Variants in ME2 observed in about 807,000 individuals in gnomAD.
The protein encoded by ME2 is NAD-dependent malic enzyme, mitochondrial.
A neutral mutation model predicts 73.7 loss-of-function variants in ME2; 60 were observed. The ratio of observed to expected loss-of-function variants is 0.81; its 90% CI spans 0.66 to 1.01. The LOEUF is 1.01. ME2 is among the 50% of genes least tolerant of loss of function. The pLI is 0.00. For synonymous variants in ME2, 199 were observed against 236.9 expected, an observed-to-expected ratio of 0.84 and a Z score of 1.47; for missense variants, 594 against 705.5, an observed-to-expected ratio of 0.84 and a Z score of 1.79.
At chr18:50,905,884 C>T (rs770186471) in intron 2 of ME2, among the ~76,000 whole-genome samples, 1 of 152,050 alleles carries the variant, frequency 6.6e-6, no homozygotes, top group East Asian at 1.9e-4. Context: ...GAGGCATGTC[C>T]GACCCCCCAT....
chr18:50,911,364 C>G (rs1379269292), intron 3 of ME2, among the ~76,000 whole-genome samples: 2 of 152,122 alleles, frequency 1.3e-5, no homozygotes, highest in African/African-American at 4.8e-5. Context: ...CATTTATTCA[C>G]CAAATATTTG....
chr18:50,948,129 T>G lies in ME2; in HGVS notation c.*945T>G, dbSNP rs1008240792. 2.6e-5 allele frequency: 4 copies of G among 152,184 alleles called. No homozygotes were observed. The highest frequency in any genetic ancestry group is 5.9e-5 in the Non-Finnish European group (4 of 68,034). The allele number at this position is 152,184 out of a possible 1,614,324, so 9.4% of individuals were successfully genotyped here. A position where few individuals can be genotyped will look rare whatever the true frequency, so the allele number is the denominator to read the frequency against. On this transcript the variant is annotated 3_prime_UTR_variant, in exon 16 of 16. Coordinates refer to ENST00000321341, the MANE Select transcript of ME2 (RefSeq NM_002396.5). ...GATGCTCTTTATTGCTTGAGATAAT[T>G]TTGGAATGTTACTATGATACTGTTT...
chr18:50,942,164 TG>T (rs1917980188), intron 15 of ME2, among the ~76,000 whole-genome samples: 1 of 152,152 alleles, frequency 6.6e-6, no homozygotes, highest in African/African-American at 2.4e-5. Flanking sequence ...TTAATCTCTC[TG>T]GGATTTATTT....
At chr18:50,894,166 A>T (rs1251492078) in intron 1 of ME2, among the ~76,000 whole-genome samples, 1 of 152,246 alleles carries the variant, frequency 6.6e-6, no homozygotes, top group Non-Finnish European at 1.5e-5. Context: ...TCAAAGGTTG[A>T]TGGATGGAAG....
Position 50,925,992 on chromosome 18 carries a change from T to C in ME2, c.1314+94T>C, listed in dbSNP as rs1599114675. The C allele has an allele frequency of 5.2e-5, 46 of 891,068 alleles. No homozygotes were observed. The South Asian group carries it at 6.0e-4, about 12-fold the overall frequency. 55.2% of individuals were successfully genotyped at this position (891,068 alleles called of 1,614,324 possible). On this transcript the variant is annotated intron_variant, in intron 12 of 15. Transcript: ENST00000321341. Reference sequence around the variant, plus strand: ...TACACCATTGTTCTAATGGTTTCCCTAGAGATTACAGCATGCATCTATGGG... The same window carrying C: ...TACACCATTGTTCTAATGGTTTCCCCAGAGATTACAGCATGCATCTATGGG...
chr18:50,881,880 G>A (rs533995543), intron 1 of ME2, among the ~76,000 whole-genome samples: 1 of 152,194 alleles, frequency 6.6e-6, no homozygotes, highest in South Asian at 2.1e-4. Flanking sequence ...TCTTAAAATA[G>A]CCTATTAAAT....
intron 1 of ME2, among the ~76,000 whole-genome samples, chr18:50,892,408 T>G (rs959877954): frequency 6.6e-6 from 1 of 152,218 alleles, no homozygotes. Context: ...GTAAATATTC[T>G]TGGAATTTTT....
At chr18:50,907,547 A>T (rs1332910041) in intron 2 of ME2, among the ~76,000 whole-genome samples, 1 of 152,242 alleles carries the variant, frequency 6.6e-6, no homozygotes, top group African/African-American at 2.4e-5. Context: ...AGAAATTGAA[A>T]AAGATTTTCT....
Position 50,925,808 on chromosome 18 carries a change from C to G in ME2, c.1224C>G (p.Ala408=). 3.7e-6 allele frequency: 6 copies of G among 1,613,496 alleles called. No individual in the cohort carries two copies. The highest frequency in any genetic ancestry group is 5.1e-6 in the Non-Finnish European group (6 of 1,179,496). The change falls in exon 12 of 16, where the codon GCC becomes GCG. Residue 408 remains alanine, a synonymous_variant. Transcript: ENST00000321341. ...LFTPDVIRAM[A]SINERPVIFA... ...CTCCTGATGTAATCAGAGCCATGGC[C>G]TCTATCAATGAAAGGCCTGTAATAT...
At chr18:50,915,181 G>T (rs997684355) in intron 4 of ME2, among the ~76,000 whole-genome samples, 2 of 151,770 alleles carry the variant, frequency 1.3e-5, no homozygotes, top group Non-Finnish European at 2.9e-5. Flanking sequence ...ATACAGTATA[G>T]AATTCATATG....
intron 2 of ME2, among the ~76,000 whole-genome samples, chr18:50,902,259 T>G (rs1356031828): frequency 6.6e-6 from 1 of 152,220 alleles, no homozygotes; most frequent in Non-Finnish European, 1.5e-5. Flanking sequence ...TGGTTATTAG[T>G]TCTCTGAGGG....
At chr18:50,909,335 T>C (rs1917092813) in intron 3 of ME2, among the ~76,000 whole-genome samples, 1 of 152,208 alleles carries the variant, frequency 6.6e-6, no homozygotes, top group African/African-American at 2.4e-5. Context: ...CAGACAGTTA[T>C]GCTATGATTG....
At chr18:50,898,254 CT>C (rs1350727429) in intron 2 of ME2, among the ~76,000 whole-genome samples, 1 of 152,092 alleles carries the variant, frequency 6.6e-6, no homozygotes, top group Non-Finnish European at 1.5e-5. Context: ...TATACCTGCT[CT>C]TTGTTTATAA....
At chr18:50,938,654 G>C (rs1957762469) in intron 13 of ME2, among the ~76,000 whole-genome samples, 1 of 152,148 alleles carries the variant, frequency 6.6e-6, no homozygotes, top group Admixed American at 6.5e-5. Context: ...ACTAGGAAAA[G>C]TTGTATTTGG....
At chr18:50,903,225 A>G (rs1202922317) in intron 2 of ME2, among the ~76,000 whole-genome samples, 1 of 152,200 alleles carries the variant, frequency 6.6e-6, no homozygotes, top group Non-Finnish European at 1.5e-5. Context: ...TTTTAAACTA[A>G]TGTCATCATC....
intron 1 of ME2, among the ~76,000 whole-genome samples, chr18:50,891,698 A>C (rs1483949064): frequency 6.6e-6 from 1 of 152,184 alleles, no homozygotes; most frequent in Admixed American, 6.5e-5. Context: ...TGCCATAGAC[A>C]GTGAAGGATG....
rs1038894702 is a variant in ME2, at chr18:50,952,269, A to C, written c.*5085A>C. 1 of 152,238 alleles carries C rather than the reference A, an allele frequency of 6.6e-6. No homozygotes were observed. Among genetic ancestry groups the C allele is most frequent in the African/African-American group, 2.4e-5 (1 of 41,470 alleles). The allele number at this position is 152,238 out of a possible 1,614,324, so 9.4% of individuals were successfully genotyped here. On this transcript the variant is annotated 3_prime_UTR_variant, in exon 16 of 16. Transcript: ENST00000321341. ...AAGTTTTTTTAATGTAAGCAGAGAA[A>C]AAAATAAAGCAGTGTTTTATTTCAA...
At chr18:50,899,876 G>C (rs766528769) in intron 2 of ME2, among the ~76,000 whole-genome samples, 4 of 152,192 alleles carry the variant, frequency 2.6e-5, no homozygotes, top group African/African-American at 9.7e-5. Context: ...AGCACACACA[G>C]AGCCTCAGTA....
At chr18:50,916,124 A>G (rs1347455967) in intron 4 of ME2, 44 bp from the exon 5 acceptor site, 3 of 1,297,486 alleles carry the variant, frequency 2.3e-6, no homozygotes, top group Non-Finnish European at 3.3e-6. Flanking sequence ...AAACTTAGAA[A>G]CAAAGCTGTT....
Sources: allele counts gnomAD v4.1 joint callset (sites outside exome capture counted in the v4.1 genomes callset), GRCh38; gene constraint gnomAD v4.1.1; transcripts MANE v1.5; gene names NCBI Gene and HGNC (gene_info 2026-07-23, HGNC 2026-07-21).